The following RNF141 variants were observed in gnomAD, a reference collection of about 807,000 sequenced individuals.
RNF141 encodes ring finger protein 141.
In RNF141, 18 loss-of-function variants were observed where a neutral mutation model predicts 27.4. The ratio of observed to expected loss-of-function variants is 0.66; its 90% CI spans 0.45 to 0.97. The LOEUF (loss-of-function observed/expected upper bound fraction) is 0.97, where lower values mean the gene tolerates loss of function less well. RNF141 is among the 50% of genes least tolerant of loss of function. The pLI, the probability that RNF141 is intolerant of heterozygous loss-of-function variation, is 0.00. For synonymous variants in RNF141, 97 were observed against 96.6 expected, an observed-to-expected ratio of 1.00 and a Z score of -0.02; for missense variants, 230 against 279.4, an observed-to-expected ratio of 0.82 and a Z score of 1.26.
At chr11:10,541,006 C>T (rs1252537649) in intron 1 of RNF141, 116 bp downstream of exon 1, 1 of 152,260 alleles carries the variant, frequency 6.6e-6, no homozygotes, top group African/African-American at 2.4e-5. Context: ...CTAGGCCTGT[C>T]TCCCCGCGGA....
At chr11:10,524,626 G>T (rs1408038380) in intron 4 of RNF141, among the ~76,000 whole-genome samples, 1 of 152,172 alleles carries the variant, frequency 6.6e-6, no homozygotes, top group Non-Finnish European at 1.5e-5. Context: ...GCATAACAGA[G>T]AAGGAAAAGA....
intron 1 of RNF141, among the ~76,000 whole-genome samples, chr11:10,539,119 T>C (rs1027129125): frequency 5.3e-5 from 8 of 152,198 alleles, no homozygotes; most frequent in Admixed American, 4.6e-4. Flanking sequence ...AATGCCACAT[T>C]CTCTAGTGGG....
At chr11:10,528,872 A>C (rs1422300322) in intron 3 of RNF141, among the ~76,000 whole-genome samples, 2 of 152,198 alleles carry the variant, frequency 1.3e-5, no homozygotes, top group Non-Finnish European at 2.9e-5. Context: ...TACTCTCTAA[A>C]GGGGAGCTAA....
intron 1 of RNF141, among the ~76,000 whole-genome samples, chr11:10,539,783 G>A (rs1042939127): frequency 1.4e-5 from 2 of 145,888 alleles, no homozygotes; most frequent in African/African-American, 2.5e-5. Context: ...CAGTAACAGT[G>A]TGTTTACTAA....
chr11:10,527,511 A>T lies in RNF141; in HGVS notation c.253-2138T>A, dbSNP rs562804483. 3.4e-5 allele frequency among the ~76,000 whole-genome samples: 5 copies of T among 149,192 alleles called. No homozygotes were observed. The South Asian group carries it at 1.0e-3, about 31-fold the overall frequency. ...GCACAGAGAGTCTCACAAGAAGCCC[A>T]GAGTGTTTGGAACAGAGTGACAGAC... On this transcript the variant is annotated intron_variant, in intron 3 of 5. Transcript: ENST00000265981.
intron 4 of RNF141, among the ~76,000 whole-genome samples, chr11:10,521,734 T>C (rs554809241): frequency 6.6e-6 from 1 of 152,308 alleles, no homozygotes; most frequent in Admixed American, 6.5e-5. Flanking sequence ...ATAGAAGACA[T>C]TCTAGGTGCA....
intron 3 of RNF141, among the ~76,000 whole-genome samples, chr11:10,528,322 C>T (rs1849956149): frequency 6.6e-6 from 1 of 152,004 alleles, no homozygotes; most frequent in South Asian, 2.1e-4. Flanking sequence ...TCAGAAAGAA[C>T]CTAAGGAATG....
intron 3 of RNF141, among the ~76,000 whole-genome samples, chr11:10,526,395 T>A (rs895540100): frequency 2.6e-5 from 4 of 152,212 alleles, no homozygotes; most frequent in African/African-American, 4.8e-5. Flanking sequence ...AATATTATTA[T>A]ACATTTGAAT....
At chr11:10,517,959 A>AT (rs1419041313) in intron 5 of RNF141, among the ~76,000 whole-genome samples, 3 of 152,182 alleles carry the variant, frequency 2.0e-5, no homozygotes, top group African/African-American at 7.2e-5. Flanking sequence ...AAACTATGAA[A>AT]TACTTGGGGA....
intron 3 of RNF141, among the ~76,000 whole-genome samples, chr11:10,527,645 CGGG>C (rs55785645): frequency 6.6e-6 from 1 of 150,878 alleles, no homozygotes; most frequent in Non-Finnish European, 1.5e-5. Context: ...TGAGAAGTCA[CGGG>C]GGGGGGTTTT....
At chr11:10,529,632 C>T (rs915002392) in intron 3 of RNF141, among the ~76,000 whole-genome samples, 3 of 152,098 alleles carry the variant, frequency 2.0e-5, no homozygotes, top group East Asian at 1.9e-4. Context: ...TAATCTGATG[C>T]GAGTTGTGCT....
chr11:10,532,456 A>T (rs1849994825), intron 2 of RNF141, among the ~76,000 whole-genome samples: 1 of 148,818 alleles, frequency 6.7e-6, no homozygotes, highest in Non-Finnish European at 1.5e-5. Context: ...ACCATCTCCC[A>T]ACCGAGAGAC....
At chr11:10,531,947 G>A (rs16907951) in intron 2 of RNF141, 24 of 442,690 alleles carry the variant, frequency 5.4e-5, no homozygotes, top group Middle Eastern at 6.6e-4. Context: ...ATCACTGCAC[G>A]TCTGAAATGC....
chr11:10,537,116 G>GT (rs1248702224), intron 1 of RNF141, among the ~76,000 whole-genome samples: 5 of 152,212 alleles, frequency 3.3e-5, no homozygotes, highest in Admixed American at 3.3e-4. Context: ...ACTAAGTATA[G>GT]TAAGTATAAA....
At chr11:10,538,281 A>G (rs1478091856) in intron 1 of RNF141, among the ~76,000 whole-genome samples, 2 of 152,240 alleles carry the variant, frequency 1.3e-5, no homozygotes, top group Non-Finnish European at 2.9e-5. Context: ...GAGCCTGCAG[A>G]AGTGGTTTTC....
At chr11:10,523,531 G>A (rs1054008918) in intron 4 of RNF141, among the ~76,000 whole-genome samples, 3 of 152,210 alleles carry the variant, frequency 2.0e-5, no homozygotes, top group Admixed American at 6.5e-5. Flanking sequence ...TGCATCAGAT[G>A]TAAAGTTCAA....
intron 1 of RNF141, among the ~76,000 whole-genome samples, chr11:10,535,222 T>A (rs556402185): frequency 1.1e-3 from 167 of 151,894 alleles, no homozygotes; most frequent in Non-Finnish European, 2.1e-3. Flanking sequence ...AAGCTATAAA[T>A]TTAAAATATA....
rs1218829628 is a variant in RNF141 at position 10,513,729 on chromosome 11, G to A, written c.*1187C>T. ...GAGTCTCGTTCTGTCTCCCAGGCTG[G>A]AGTGCAGTGGTGTGATCTCGGCTCA... On this transcript the variant is annotated 3_prime_UTR_variant, in exon 6 of 6. Coordinates refer to ENST00000265981, the MANE Select transcript of RNF141 (RefSeq NM_016422.4). 1 of 152,020 alleles carries A rather than the reference G, an allele frequency of 6.6e-6. No homozygotes were observed. The highest frequency in any genetic ancestry group is 2.4e-5 in the African/African-American group (1 of 41,378). The allele number at this position is 152,020 out of a possible 1,614,324, so 9.4% of individuals were successfully genotyped here.
chr11:10,532,091 T>C, intron 2 of RNF141: 1 of 385,158 alleles, frequency 2.6e-6, no homozygotes, highest in South Asian at 1.9e-5. Context: ...GTACATTTTA[T>C]CTAATACCTG....
Sources: allele counts gnomAD v4.1 joint callset (sites outside exome capture counted in the v4.1 genomes callset), GRCh38; gene constraint gnomAD v4.1.1; transcripts MANE v1.5; gene names NCBI Gene and HGNC (gene_info 2026-07-23, HGNC 2026-07-21).